ABCA1: variants seen among roughly 807,000 people sequenced by gnomAD.
The protein encoded by ABCA1 is phospholipid-transporting ATPase ABCA1.
ABCA1 carries 133 observed loss-of-function variants against 262.5 expected under a neutral mutation model. The ratio of observed to expected loss-of-function variants is 0.51; its 90% CI spans 0.44 to 0.59. ABCA1 has a LOEUF of 0.59. ABCA1 is among the 20% of genes least tolerant of loss of function. The pLI is 0.00. For missense variants in ABCA1, 2,452 were observed against 2,777.5 expected, an observed-to-expected ratio of 0.88 and a Z score of 2.63; for synonymous variants, 1,022 against 1,043.5, an observed-to-expected ratio of 0.98 and a Z score of 0.40.
chr9:104,914,439 G>A (rs1047603995), intron 1 of ABCA1, among the ~76,000 whole-genome samples: 1 of 151,402 alleles, frequency 6.6e-6, no homozygotes, highest in African/African-American at 2.4e-5. Context: ...GGCAGAGGTT[G>A]CAGTGAGCCG....
Position 104,822,594 on chromosome 9 carries a change from A to C in ABCA1, c.2730T>G (p.Asp910Glu). ...SIQNLVKVYR[D>E]GMKVAVDGLA... ...GGCCATCGACAGCCACCTTCATCCCATCTCGGTAGACTTTTACCAGGTTCT... is the reference window on the plus strand; with the variant it reads ...GGCCATCGACAGCCACCTTCATCCCCTCTCGGTAGACTTTTACCAGGTTCT... The change falls in exon 19 of 50, where the codon GAT (aspartate) becomes GAG (glutamate). Residue 910 changes from aspartate to glutamate, a missense_variant. This residue lies in a region of ABCA1 where 665 missense variants were observed against 727.3 expected (regional missense o/e 0.91). Coordinates refer to ENST00000374736, the MANE Select transcript of ABCA1 (RefSeq NM_005502.4). The C allele has an allele frequency of 6.2e-7, 1 of 1,613,454 alleles. No homozygotes were observed. Among genetic ancestry groups the C allele is most frequent in the Non-Finnish European group, 8.5e-7 (1 of 1,179,800 alleles).
chr9:104,856,082 C>A (rs770412898), intron 7 of ABCA1: 1 of 1,595,172 alleles, frequency 6.3e-7, no homozygotes, highest in Non-Finnish European at 8.6e-7. Flanking sequence ...TCACATGTCA[C>A]ATCCATCTAC....
chr9:104,819,035 T>C, intron 22 of ABCA1, 152 bp from the exon 23 acceptor site: 5 of 757,124 alleles, frequency 6.6e-6, no homozygotes, highest in Non-Finnish European at 9.2e-6. Context: ...ACCCCTAGAA[T>C]GGCAAAGCTT....
intron 18 of ABCA1, 21 bp downstream of exon 18, chr9:104,824,444 C>G (rs765720099): frequency 6.2e-7 from 1 of 1,613,782 alleles, no homozygotes; most frequent in African/African-American, 1.3e-5. Flanking sequence ...AAAGAAAGAG[C>G]AGGAGGTCAA....
Position 104,799,950 on chromosome 9 carries a change from A to C in ABCA1, c.4812T>G (p.Ser1604=). ...TGGCATTGTTGATGACATTCAGGAA[A>C]GAGCTGATTGCATGCCAGCCCTTGT... ...FNNKGWHAIS[S]FLNVINNAIL... is the part of the protein sequence containing the mutation. The change falls in exon 36 of 50, where the codon TCT becomes TCG. Residue 1604 remains serine (S), a synonymous_variant. Coordinates refer to ENST00000374736, the MANE Select transcript of ABCA1 (RefSeq NM_005502.4). The C allele has an allele frequency of 6.2e-7, 1 of 1,614,188 alleles. No homozygotes were observed. The highest frequency in any genetic ancestry group is 8.5e-7 in the Non-Finnish European group (1 of 1,180,042).
chr9:104,803,250 C>A lies in ABCA1; in HGVS notation c.4592+34G>T, dbSNP rs372443360. 8.4e-5 allele frequency: 135 copies of A among 1,612,100 alleles called. No homozygotes were observed. In the African/African-American group the frequency reaches 1.5e-3, roughly 18 times the overall value. On this transcript the variant is annotated intron_variant, in intron 33 of 49. Transcript: ENST00000374736. ...AGACACCTACAACACCATCCTCCCCCTGAGCTAAACGTGCCAGAAAGACAG... is the reference window on the plus strand; with the variant it reads ...AGACACCTACAACACCATCCTCCCCATGAGCTAAACGTGCCAGAAAGACAG...
rs1262022412 is a variant in ABCA1 at position 104,796,319 on chromosome 9, A to C, written c.5227T>G (p.Leu1743Val). The part of the protein sequence containing the change: ...TNLPVLALLL[L>V]LYGWSITPLM... ...TCAGAGGTGACTTACCCATACAGCA[A>C]AAGTAGAAGGGCTAGCACAGGCAGA... The change falls in exon 38 of 50, where the codon TTG (leucine) becomes GTG (valine). Residue 1743 changes from leucine to valine, a missense_variant. Coordinates refer to ENST00000374736, the MANE Select transcript of ABCA1 (RefSeq NM_005502.4). The C allele has an allele frequency of 6.2e-7, 1 of 1,614,170 alleles. No individual in the cohort carries two copies. Among genetic ancestry groups the C allele is most frequent in the South Asian group, 1.1e-5 (1 of 91,084 alleles).
At chr9:104,874,303 A>G (rs896644109) in intron 5 of ABCA1, among the ~76,000 whole-genome samples, 3 of 152,196 alleles carry the variant, frequency 2.0e-5, no homozygotes, top group Non-Finnish European at 2.9e-5. Context: ...TGGGAGGCCA[A>G]CGCACCTGAA....
rs1253951730 is a variant in ABCA1 at position 104,883,033 on chromosome 9, A to T, written c.421+6T>A. On this transcript the variant is annotated splice_donor_region_variant and intron_variant, in intron 5 of 49. Coordinates refer to ENST00000374736, the MANE Select transcript of ABCA1 (RefSeq NM_005502.4). ...ATAAACGGATGCAGAGAAGGTTTTT[A>T]CTTACTTGAGCTGGATTTCTTGATC... The T allele has an allele frequency of 6.2e-7, 1 of 1,608,200 alleles. No homozygotes were observed. The highest frequency in any genetic ancestry group is 8.5e-7 in the Non-Finnish European group (1 of 1,174,638).
Position 104,784,012 on chromosome 9 carries a change from G to T in ABCA1, c.*303C>A. 7.8e-6 allele frequency: 2 copies of T among 255,552 alleles called. No homozygotes were observed. The highest frequency in any genetic ancestry group is 1.5e-5 in the Non-Finnish European group (2 of 132,150). The allele number at this position is 255,552 out of a possible 1,614,324, so 15.8% of individuals were successfully genotyped here. ...CAGGAACAAAAAAAAAAAAAAAAGT[G>T]TGAGTTCAAACCCATATGTCCATTG... is the stretch of plus-strand genomic sequence containing the variant. On this transcript the variant is annotated 3_prime_UTR_variant, in exon 50 of 50. Transcript: ENST00000374736.
chr9:104,831,811 T>C lies in ABCA1; in HGVS notation c.1526A>G (p.Lys509Arg). Residue 509 changes from lysine (K) to arginine (R), a missense_variant, in exon 13 of 50, where the codon AAG becomes AGG. By Grantham distance (26) the Lys-to-Arg change is conservative. This residue lies in a region of ABCA1 where 1,032 missense variants were observed against 1,089.7 expected (regional missense o/e 0.95). Transcript: ENST00000374736. Reference protein sequence around the residue: ...SRFMECVNLNKLEPIATEVWL... With the variant: ...SRFMECVNLNRLEPIATEVWL... ...GACTTCTGTTGCTATGGGTTCTAGC[T>C]TGTTCAGGTTGACACACTGATAGAA... 6.2e-7 allele frequency: 1 copy of C among 1,614,220 alleles called. No homozygotes were observed.
At chr9:104,896,616 C>A (rs929467539) in intron 2 of ABCA1, among the ~76,000 whole-genome samples, 7 of 145,618 alleles carry the variant, frequency 4.8e-5, no homozygotes, top group Non-Finnish European at 9.0e-5. Context: ...GAATGTTCAT[C>A]AAATTCAGGG....
intron 1 of ABCA1, among the ~76,000 whole-genome samples, chr9:104,926,348 A>T (rs10991417): frequency 6.6e-6 from 1 of 151,594 alleles, no homozygotes; most frequent in Admixed American, 6.6e-5. Context: ...TTTTGATAAA[A>T]GATATACCTA....
chr9:104,909,478 G>A (rs997770433), intron 1 of ABCA1, among the ~76,000 whole-genome samples: 5 of 152,088 alleles, frequency 3.3e-5, no homozygotes, highest in African/African-American at 1.2e-4. Flanking sequence ...CTGAGAGAGT[G>A]GACCATATGC....
At chr9:104,789,496 A>AT (rs1452246264) in intron 44 of ABCA1, among the ~76,000 whole-genome samples, 2 of 152,178 alleles carry the variant, frequency 1.3e-5, no homozygotes, top group Non-Finnish European at 2.9e-5. Flanking sequence ...GCTCTTTTCA[A>AT]TTTTATTGGC....
chr9:104,893,440 A>G (rs1374769206), intron 2 of ABCA1, among the ~76,000 whole-genome samples: 2 of 120,148 alleles, frequency 1.7e-5, no homozygotes, highest in Non-Finnish European at 3.7e-5. Flanking sequence ...AAAAAAAAAA[A>G]AAAAAAAAAA....
At chr9:104,895,946 G>A (rs1254464485) in intron 2 of ABCA1, among the ~76,000 whole-genome samples, 2 of 152,128 alleles carry the variant, frequency 1.3e-5, no homozygotes, top group African/African-American at 2.4e-5. Flanking sequence ...TCTGAATCAT[G>A]GTAGCCAAAA....
Position 104,784,647 on chromosome 9 carries a change from C to CT in ABCA1, c.6646-193dup, listed in dbSNP as rs533556693. Among the ~76,000 whole-genome samples the CT allele has an allele frequency of 2.0e-4, 30 of 152,194 alleles. 1 individual carries two copies. Among genetic ancestry groups the CT allele is most frequent in the South Asian group, 1.7e-3 (8 of 4,816 alleles). On this transcript the variant is annotated intron_variant, in intron 49 of 49. Coordinates refer to ENST00000374736, the MANE Select transcript of ABCA1 (RefSeq NM_005502.4). ...AAAGCAATAACAACTTAAAAATAGA[C>CT]TTTTTTTCCCCCCTTGAAATGGGGT...
intron 8 of ABCA1, among the ~76,000 whole-genome samples, chr9:104,842,980 T>C (rs1478008194): frequency 6.6e-6 from 1 of 152,170 alleles, no homozygotes; most frequent in African/African-American, 2.4e-5. Flanking sequence ...TGCTCTAGCA[T>C]CAATGTCTTT....
Sources: gnomAD v4.1 joint callset for allele counts (sites outside exome capture counted in the v4.1 genomes callset) on GRCh38, gnomAD v4.1.1 for gene constraint, gnomAD v4.1.1 regional missense constraint, MANE v1.5 for transcripts, NCBI Gene and HGNC (gene_info 2026-07-23, HGNC 2026-07-21) for gene names.